DNAAF4: variants seen among roughly 807,000 people sequenced by gnomAD.
DNAAF4 encodes the protein dynein axonemal assembly factor 4.
DNAAF4 carries 43 observed loss-of-function variants against 51.8 expected under a neutral mutation model. The ratio of observed to expected loss-of-function variants is 0.83; its 90% CI spans 0.65 to 1.07. DNAAF4 has a LOEUF of 1.07. Ranked by LOEUF, DNAAF4 falls within the 50% of genes least tolerant of loss-of-function variation. The probability of loss-of-function intolerance (pLI) is 0.00; values close to 1 mark genes in which losing one functional copy is unlikely to be tolerated. For synonymous variants in DNAAF4, 194 were observed against 165.6 expected, an observed-to-expected ratio of 1.17 and a Z score of -1.32; for missense variants, 581 against 493.0, an observed-to-expected ratio of 1.18 and a Z score of -1.69.
intron 4 of DNAAF4, among the ~76,000 whole-genome samples, chr15:55,469,474 C>CATTT (rs2058219066): frequency 4.5e-5 from 3 of 66,254 alleles, no homozygotes; most frequent in Admixed American, 2.7e-4. Context: ...CTTACCAATT[C>CATTT]TTTTTTTTTT....
rs113563331 is a variant in DNAAF4, at chr15:55,442,398, C to T, written c.784-2817G>A. 3.1e-3 allele frequency among the ~76,000 whole-genome samples: 477 copies of T among 152,308 alleles called. 2 individuals are homozygous for T. Among genetic ancestry groups the T allele is most frequent in the African/African-American group, 0.011 (461 of 41,576 alleles). On this transcript the variant is annotated intron_variant, in intron 6 of 9. Coordinates refer to ENST00000321149, the MANE Select transcript of DNAAF4 (RefSeq NM_130810.4). ...CCTCCTAAAGTGCTGGGATTATAGGCGTGAGCCACAGCGCCCTGACTGAGA... is the reference window on the plus strand; with the variant it reads ...CCTCCTAAAGTGCTGGGATTATAGGTGTGAGCCACAGCGCCCTGACTGAGA...
intron 5 of DNAAF4, among the ~76,000 whole-genome samples, chr15:55,459,436 AAC>A (rs1484114096): frequency 2.0e-5 from 3 of 152,192 alleles, no homozygotes; most frequent in East Asian, 3.9e-4. Context: ...ATAAAACAAT[AAC>A]ACAATGAAAA....
chr15:55,472,686 G>T (rs1288228071), intron 4 of DNAAF4, among the ~76,000 whole-genome samples: 2 of 152,054 alleles, frequency 1.3e-5, no homozygotes, highest in East Asian at 3.9e-4. Context: ...TTTACTACAG[G>T]TTATTAGTTT....
At chr15:55,481,852 C>G (rs115798492) in intron 4 of DNAAF4, among the ~76,000 whole-genome samples, 1,559 of 152,330 alleles carry the variant, frequency 0.01, 21 homozygotes, top group African/African-American at 0.035. Flanking sequence ...CTCTACAAAA[C>G]CCCCTCTCTC....
chr15:55,439,607 A>G (rs201865498), intron 6 of DNAAF4, 26 bp from the exon 7 acceptor site: 15 of 1,580,546 alleles, frequency 9.5e-6, no homozygotes, highest in Admixed American at 3.6e-5. Flanking sequence ...AGTCTTATGA[A>G]GAATAAAAAG....
chr15:55,461,785 G>C (rs2058097833), intron 5 of DNAAF4, among the ~76,000 whole-genome samples: 1 of 151,830 alleles, frequency 6.6e-6, no homozygotes, highest in Non-Finnish European at 1.5e-5. Flanking sequence ...AAATAACAAA[G>C]ATCAGAGCAG....
chr15:55,455,149 A>C (rs1453143418), intron 5 of DNAAF4, among the ~76,000 whole-genome samples: 5 of 149,894 alleles, frequency 3.3e-5, no homozygotes, highest in Non-Finnish European at 3.0e-5. Context: ...ACCTCCATAA[A>C]AAAACTCCAG....
At chr15:55,497,952 A>G in intron 2 of DNAAF4, 93 bp from the exon 3 acceptor site, 1 of 1,490,802 alleles carries the variant, frequency 6.7e-7, no homozygotes, top group Non-Finnish European at 9.0e-7. Context: ...TAACTTTCTA[A>G]AAGGCCCACT....
chr15:55,424,502 T>TGG (rs1222232362), intron 7 of DNAAF4, among the ~76,000 whole-genome samples: 1 of 152,218 alleles, frequency 6.6e-6, no homozygotes, highest in Non-Finnish European at 1.5e-5. Context: ...GGAAAGCAGT[T>TGG]GGCTTGCTAG....
chr15:55,461,215 C>T (rs2058090152), intron 5 of DNAAF4, among the ~76,000 whole-genome samples: 1 of 151,984 alleles, frequency 6.6e-6, no homozygotes, highest in East Asian at 1.9e-4. Flanking sequence ...ACTACAGGTG[C>T]CCCCCACCAC....
chr15:55,432,675 G>A, intron 8 of DNAAF4, 73 bp from the exon 9 acceptor site: 4 of 1,368,924 alleles, frequency 2.9e-6, no homozygotes, highest in Non-Finnish European at 4.0e-6. Flanking sequence ...GCTGGGCATG[G>A]TGGCTCACGC....
chr15:55,435,143 G>T, intron 7 of DNAAF4, 85 bp from the exon 8 acceptor site: 1 of 1,427,542 alleles, frequency 7.0e-7, no homozygotes, highest in Non-Finnish European at 9.4e-7. Context: ...TTGACAAAGA[G>T]GATGGCTTAC....
At chr15:55,421,187 C>CAAAAAAAAAAA (rs35897132) in intron 7 of DNAAF4, among the ~76,000 whole-genome samples, 1 of 110,270 alleles carries the variant, frequency 9.1e-6, no homozygotes. Context: ...GAGACTATCT[C>CAAAAAAAAAAA]AAAAAAAAAA....
intron 1 of DNAAF4, among the ~76,000 whole-genome samples, chr15:55,499,308 G>T (rs957691116): frequency 1.3e-5 from 2 of 152,066 alleles, no homozygotes; most frequent in Non-Finnish European, 2.9e-5. Context: ...GGTCTTATAG[G>T]GCTCACCTGC....
chr15:55,499,207 A>G lies in DNAAF4; in HGVS notation c.-255-623T>C, dbSNP rs548944522. ...CATCCAGAGCGGCTAACTGGGTCTA[A>G]ATTTAAAATAGAGACACGTGGTCAT... is the stretch of plus-strand genomic sequence containing the variant. On this transcript the variant is annotated intron_variant, in intron 1 of 9. Coordinates refer to ENST00000321149, the MANE Select transcript of DNAAF4 (RefSeq NM_130810.4). Among the ~76,000 whole-genome samples the G allele has an allele frequency of 4.6e-5, 7 of 152,302 alleles. No homozygotes were observed. The East Asian group carries it at 1.2e-3, about 25-fold the overall frequency.
intron 4 of DNAAF4, among the ~76,000 whole-genome samples, chr15:55,468,134 A>C (rs553289183): frequency 6.6e-6 from 1 of 152,330 alleles, no homozygotes; most frequent in South Asian, 2.1e-4. Flanking sequence ...ATTAATGTAC[A>C]TTTAAATTAA....
chr15:55,456,199 G>T (rs930151248), intron 5 of DNAAF4, among the ~76,000 whole-genome samples: 1 of 151,172 alleles, frequency 6.6e-6, no homozygotes, highest in South Asian at 2.1e-4. Flanking sequence ...TCCTGCCTCA[G>T]TGCCTCCCGA....
chr15:55,444,808 A>G (rs2057770274), intron 6 of DNAAF4, among the ~76,000 whole-genome samples: 1 of 152,068 alleles, frequency 6.6e-6, no homozygotes, highest in Non-Finnish European at 1.5e-5. Flanking sequence ...CTTTGAAGCA[A>G]TTGTGAATGG....
intron 4 of DNAAF4, among the ~76,000 whole-genome samples, chr15:55,468,863 A>G (rs2058207114): frequency 1.3e-5 from 2 of 152,206 alleles, no homozygotes; most frequent in Non-Finnish European, 2.9e-5. Flanking sequence ...AATAAGCTAT[A>G]TTAGAGACAG....
Sources: gnomAD v4.1 joint callset for allele counts (sites outside exome capture counted in the v4.1 genomes callset) on GRCh38, gnomAD v4.1.1 for gene constraint, MANE v1.5 for transcripts, NCBI Gene and HGNC (gene_info 2026-07-23, HGNC 2026-07-21) for gene names.